The following LRRC4C variants were observed in gnomAD, a reference collection of about 807,000 sequenced individuals.
LRRC4C encodes the protein leucine-rich repeat-containing protein 4C.
In LRRC4C, 5 loss-of-function variants were observed where a neutral mutation model predicts 33.6. The ratio of observed to expected loss-of-function variants is 0.15; its 90% CI spans 0.08 to 0.31. The LOEUF (loss-of-function observed/expected upper bound fraction) is 0.31. Among genes scored for constraint, LRRC4C ranks in the 10% least tolerant of loss-of-function variants. The pLI is 1.00. For missense variants in LRRC4C, 560 were observed against 796.7 expected, an observed-to-expected ratio of 0.70 and a Z score of 3.58; for synonymous variants, 329 against 302.0, an observed-to-expected ratio of 1.09 and a Z score of -0.93.
chr11:40,361,907 G>T (rs1947970755), intron 3 of LRRC4C, among the ~76,000 whole-genome samples: 1 of 152,002 alleles, frequency 6.6e-6, no homozygotes, highest in East Asian at 1.9e-4. Flanking sequence ...ACTGGTAAAA[G>T]AACAGGCACA....
intron 1 of LRRC4C, among the ~76,000 whole-genome samples, chr11:41,004,555 G>A (rs1292936266): frequency 1.3e-5 from 2 of 152,166 alleles, no homozygotes; most frequent in African/African-American, 2.4e-5. Flanking sequence ...ATTTACGTAT[G>A]TAACTATCTC....
intron 1 of LRRC4C, among the ~76,000 whole-genome samples, chr11:41,420,462 G>A (rs1954837388): frequency 6.6e-6 from 1 of 152,022 alleles, no homozygotes; most frequent in African/African-American, 2.4e-5. Context: ...GCTGCACATG[G>A]AAAATGATTT....
At chr11:40,943,371 T>C (rs2136619641) in intron 1 of LRRC4C, among the ~76,000 whole-genome samples, 1 of 152,274 alleles carries the variant, frequency 6.6e-6, no homozygotes, top group South Asian at 2.1e-4. Context: ...CTGCTTGACT[T>C]CAAAACCCGT....
At chr11:41,137,025 A>C (rs1943292292) in intron 1 of LRRC4C, among the ~76,000 whole-genome samples, 1 of 152,114 alleles carries the variant, frequency 6.6e-6, no homozygotes, top group African/African-American at 2.4e-5. Flanking sequence ...AGGCAGGTGA[A>C]TTGCTTGAAG....
intron 1 of LRRC4C, among the ~76,000 whole-genome samples, chr11:41,442,437 C>T (rs1219191120): frequency 1.4e-5 from 2 of 140,016 alleles, no homozygotes; most frequent in East Asian, 2.1e-4. Flanking sequence ...AGACACAGTT[C>T]TCTCTCTTTG....
chr11:40,312,550 A>G (rs2136766840), intron 4 of LRRC4C, among the ~76,000 whole-genome samples: 1 of 152,300 alleles, frequency 6.6e-6, no homozygotes, highest in East Asian at 1.9e-4. Flanking sequence ...TCCTCCATGA[A>G]TAGATGTCTT....
chr11:40,932,967 A>G (rs953571988), intron 2 of LRRC4C, among the ~76,000 whole-genome samples: 1 of 152,194 alleles, frequency 6.6e-6, no homozygotes, highest in African/African-American at 2.4e-5. Flanking sequence ...CCAATAATCA[A>G]TTATACAAAT....
intron 5 of LRRC4C, among the ~76,000 whole-genome samples, chr11:40,154,116 G>T (rs1341560507): frequency 6.6e-6 from 1 of 152,066 alleles, no homozygotes; most frequent in South Asian, 2.1e-4. Flanking sequence ...AGACGGGATT[G>T]GGGCCCTATC....
chr11:40,904,050 C>T (rs1956316756), intron 2 of LRRC4C, among the ~76,000 whole-genome samples: 1 of 152,118 alleles, frequency 6.6e-6, no homozygotes, highest in Admixed American at 6.6e-5. Flanking sequence ...GAAGATTGGA[C>T]TGAATTGCTG....
chr11:40,320,693 T>G (rs899370610), intron 3 of LRRC4C, among the ~76,000 whole-genome samples: 3 of 152,166 alleles, frequency 2.0e-5, no homozygotes, highest in Non-Finnish European at 2.9e-5. Context: ...TTACTGAGTC[T>G]TAATTGCTCC....
At chr11:40,144,235 G>T (rs111582235) in intron 5 of LRRC4C, among the ~76,000 whole-genome samples, 1 of 152,042 alleles carries the variant, frequency 6.6e-6, no homozygotes, top group Non-Finnish European at 1.5e-5. Flanking sequence ...TAATGGAAAC[G>T]ATAATTATCT....
chr11:40,304,802 G>T (rs1170257792), intron 4 of LRRC4C, among the ~76,000 whole-genome samples: 1 of 151,604 alleles, frequency 6.6e-6, no homozygotes, highest in Non-Finnish European at 1.5e-5. Flanking sequence ...CGCAATCTCG[G>T]CTCACTGCAA....
At chr11:40,966,224 G>C (rs1055644118) in intron 1 of LRRC4C, among the ~76,000 whole-genome samples, 4 of 151,922 alleles carry the variant, frequency 2.6e-5, no homozygotes, top group African/African-American at 4.8e-5. Context: ...TGTCATGAAA[G>C]AATAGGTACA....
rs183181451 is a variant in LRRC4C, at chr11:41,278,012, G to T, written c.-496+181419C>A. Among the ~76,000 whole-genome samples the T allele has an allele frequency of 1.6e-3, 242 of 152,172 alleles. 1 individual carries two copies. Among genetic ancestry groups the T allele is most frequent in the African/African-American group, 5.5e-3 (229 of 41,528 alleles). On this transcript the variant is annotated intron_variant, in intron 1 of 6. Transcript: ENST00000528697. ...TCTCATAGCAGTAGAGAGTACAATGGTGGTTACCAGAAGCTGGGGTGATTA... is the reference window on the plus strand; with the variant it reads ...TCTCATAGCAGTAGAGAGTACAATGTTGGTTACCAGAAGCTGGGGTGATTA...
intron 1 of LRRC4C, among the ~76,000 whole-genome samples, chr11:41,013,259 T>C (rs947916343): frequency 1.3e-5 from 2 of 152,222 alleles, no homozygotes; most frequent in African/African-American, 4.8e-5. Flanking sequence ...TAGTTACTCA[T>C]TGTATCCACT....
Position 40,660,147 on chromosome 11 carries a change from G to C in LRRC4C, c.-406-11869C>G, listed in dbSNP as rs181195608. Among the ~76,000 whole-genome samples, 13 of 152,320 alleles carry C rather than the reference G, an allele frequency of 8.5e-5. 1 individual carries two copies. Among genetic ancestry groups the C allele is most frequent in the African/African-American group, 2.6e-4 (11 of 41,584 alleles). On this transcript the variant is annotated intron_variant, in intron 2 of 6. Coordinates refer to ENST00000528697, the MANE Select transcript of LRRC4C (RefSeq NM_001258419.2). ...TTTTGGTACCTCTGATCCAGCCACA[G>C]CCTTACACAGAGCTGGAACCTGTGC... is the stretch of plus-strand genomic sequence containing the variant.
chr11:40,726,077 C>T (rs565322863), intron 2 of LRRC4C, among the ~76,000 whole-genome samples: 1 of 151,528 alleles, frequency 6.6e-6, no homozygotes, highest in South Asian at 2.1e-4. Flanking sequence ...ATAAAACTTC[C>T]TAAAATTAAA....
At chr11:41,397,180 C>A (rs1431052924) in intron 1 of LRRC4C, among the ~76,000 whole-genome samples, 2 of 151,974 alleles carry the variant, frequency 1.3e-5, no homozygotes, top group Non-Finnish European at 1.5e-5. Context: ...CCTCTAACAA[C>A]ACAGTTTGAA....
chr11:40,119,345 A>G (rs1196583954), intron 6 of LRRC4C, among the ~76,000 whole-genome samples: 1 of 152,162 alleles, frequency 6.6e-6, no homozygotes, highest in Non-Finnish European at 1.5e-5. Flanking sequence ...CTTGACTAAT[A>G]GATTCTGAGT....
Sources: allele counts gnomAD v4.1 joint callset (sites outside exome capture counted in the v4.1 genomes callset), GRCh38; gene constraint gnomAD v4.1.1; transcripts MANE v1.5; gene names NCBI Gene and HGNC (gene_info 2026-07-23, HGNC 2026-07-21).